The following TJP2 variants were observed in gnomAD, a reference collection of about 807,000 sequenced individuals.
TJP2 encodes the protein tight junction protein 2, also known as Friedreich ataxia region gene X104 (tight junction protein ZO-2).
TJP2 carries 91 observed loss-of-function variants against 133.1 expected under a neutral mutation model. The observed-to-expected ratio is 0.68, with a 90% CI of 0.58 to 0.81. The LOEUF (loss-of-function observed/expected upper bound fraction) is 0.81, where lower values mean the gene tolerates loss of function less well. Ranked by LOEUF, TJP2 falls within the 40% of genes least tolerant of loss-of-function variation. The pLI is 0.00. For missense variants in TJP2, 1,541 were observed against 1,565.6 expected (o/e 0.98, Z 0.26); for synonymous variants, 592 against 583.4 (o/e 1.01, Z -0.21).
At chr9:69,176,107 T>C (rs76198906) in intron 1 of TJP2, among the ~76,000 whole-genome samples, 10,018 of 152,226 alleles carry the variant, frequency 0.066, 444 homozygotes, top group East Asian at 0.22. Flanking sequence ...ATGCACACTC[T>C]GCAATACAGA....
intron 20 of TJP2, among the ~76,000 whole-genome samples, chr9:69,250,257 C>T (rs999153600): frequency 6.6e-6 from 1 of 152,104 alleles, no homozygotes. Context: ...GTGTGCACCA[C>T]TATATTCAGC....
upstream of TJP2, chr9:69,174,111 A>C: frequency 8.5e-7 from 1 of 1,181,844 alleles, no homozygotes. Context: ...CTTCCCCGGC[A>C]GGCGCGTGGG....
In TJP2 at chr9:69,221,224, A is replaced by G. The variant is rs775042072; in HGVS notation, c.680A>G (p.His227Arg). ...RGRSLERGLD[H>R]DFGPSRDRDR... ...CGGAGCCTGGAGCGGGGCCTGGACC[A>G]CGACTTTGGGCCATCCCGGGACCGG... Residue 227 changes from histidine to arginine, a missense_variant, in exon 5 of 23, where the codon CAC (histidine) becomes CGC (arginine). Physicochemically the swap from His to Arg is conservative, Grantham distance 29. Transcript: ENST00000377245. 1.2e-6 allele frequency: 2 copies of G among 1,605,796 alleles called. No individual in the cohort carries two copies. The highest frequency in any genetic ancestry group is 3.4e-5 in the Admixed American group (2 of 59,438).
chr9:69,159,887 A>G (rs985832473), intron 2 of TJP2, among the ~76,000 whole-genome samples: 6 of 53,442 alleles, frequency 1.1e-4, no homozygotes, highest in African/African-American at 3.9e-4. Flanking sequence ...AAAGAAAGAA[A>G]TATATACATA....
chr9:69,207,803 C>A (rs1032876355), intron 1 of TJP2, among the ~76,000 whole-genome samples: 1 of 152,208 alleles, frequency 6.6e-6, no homozygotes, highest in South Asian at 2.1e-4. Flanking sequence ...CAGCTCTCAG[C>A]TAAGCTGCTG....
chr9:69,228,106 A>AC lies in TJP2; in HGVS notation c.1451dup (p.Ala485SerfsTer15). On this transcript the variant is annotated frameshift_variant, in exon 9 of 23. Coordinates refer to ENST00000377245, the MANE Select transcript of TJP2 (RefSeq NM_004817.4). LOFTEE classifies it high-confidence loss of function. ...AACAAGGAACCCAGATACCAAGAGG[A>AC]CCCCCCAGGTGAGCCATTAAGACCA... is the stretch of plus-strand genomic sequence containing the variant. 6.2e-7 allele frequency: 1 copy of AC among 1,608,718 alleles called. No homozygotes were observed. The highest frequency in any genetic ancestry group is 8.5e-7 in the Non-Finnish European group (1 of 1,177,364).
intron 1 of TJP2, among the ~76,000 whole-genome samples, chr9:69,201,658 A>G (rs1447884889): frequency 1.3e-5 from 2 of 152,114 alleles, no homozygotes; most frequent in African/African-American, 4.8e-5. Context: ...TTACATACCC[A>G]TGTTCATGGC....
intron 16 of TJP2, among the ~76,000 whole-genome samples, chr9:69,239,675 G>C (rs961685712): frequency 2.6e-5 from 4 of 152,020 alleles, no homozygotes; most frequent in African/African-American, 9.7e-5. Flanking sequence ...GCTGGCCATG[G>C]TGGTGGCGGG....
Position 69,189,176 on chromosome 9 carries a change from A to G in TJP2, c.60+14744A>G, listed in dbSNP as rs139062922. ...AGATAGGGAATTTTGAAGCCAGAAC[A>G]TTCTGGTGATGGAGCAGATACTGCC... On this transcript the variant is annotated intron_variant, in intron 1 of 22. Transcript: ENST00000377245. Among the ~76,000 whole-genome samples, 1,425 of 152,330 alleles carry G rather than the reference A, an allele frequency of 9.4e-3. 29 individuals carry two copies. The highest frequency in any genetic ancestry group is 0.032 in the African/African-American group (1,312 of 41,570).
intron 15 of TJP2, 139 bp from the exon 16 acceptor site, chr9:69,238,571 T>C: frequency 1.4e-6 from 1 of 733,386 alleles, no homozygotes. Flanking sequence ...ACTAAGCAGG[T>C]TATGTGGGTC....
At chr9:69,174,569 C>A in intron 1 of TJP2, 137 bp downstream of exon 1, 3 of 1,097,856 alleles carry the variant, frequency 2.7e-6, no homozygotes, top group Admixed American at 2.1e-5. Context: ...CCCATCCGGA[C>A]GTGGGACGCA....
intron 1 of TJP2, among the ~76,000 whole-genome samples, chr9:69,194,081 C>T (rs1284701772): frequency 6.6e-6 from 1 of 152,106 alleles, no homozygotes; most frequent in African/African-American, 2.4e-5. Context: ...TTACTGACAG[C>T]TGGTTAAATC....
Position 69,125,283 on chromosome 9 carries a change from G to T in TJP2, c.-131+3558G>T. Reference sequence around the variant, plus strand: ...AAAGTCTTTATACTACAATCTGTGCGTTTAATAGCACCCTGAGTGATTTTT... The same window carrying T: ...AAAGTCTTTATACTACAATCTGTGCTTTTAATAGCACCCTGAGTGATTTTT... On this transcript the variant is annotated intron_variant, in intron 1 of 5. Coordinates refer to the TJP2 transcript ENST00000423935. Among the ~76,000 whole-genome samples the T allele has an allele frequency of 3.0e-5, 2 of 67,464 alleles. 1 individual carries two copies. The allele number at this position is 67,464 out of a possible 152,430, so 44.3% of individuals were successfully genotyped here.
intron 1 of TJP2, chr9:69,122,192 T>A (rs1178533107): frequency 6.6e-6 from 1 of 152,272 alleles, no homozygotes; most frequent in Non-Finnish European, 1.5e-5. Context: ...TGAGCTTCTC[T>A]TTTACCCGAT....
At chr9:69,220,764 GA>G (rs1291089321) in intron 4 of TJP2, 122 bp from the exon 5 acceptor site, 1 of 916,478 alleles carries the variant, frequency 1.1e-6, no homozygotes, top group African/African-American at 1.6e-5. Flanking sequence ...TGAGGAACCT[GA>G]ACCTTAGTGA....
chr9:69,138,950 G>A (rs919668378), intron 1 of TJP2, among the ~76,000 whole-genome samples: 3 of 137,412 alleles, frequency 2.2e-5, no homozygotes, highest in East Asian at 4.6e-4. Flanking sequence ...GCAGTGGCTC[G>A]GGCCTATAAT....
At chr9:69,186,289 G>A (rs991566505) in intron 1 of TJP2, among the ~76,000 whole-genome samples, 3 of 152,168 alleles carry the variant, frequency 2.0e-5, no homozygotes, top group Non-Finnish European at 4.4e-5. Context: ...TGGTCAAGAT[G>A]TATTGATTAA....
intron 11 of TJP2, 41 bp from the exon 12 acceptor site, chr9:69,234,391 TTTCTTTC>T (rs1453814470): frequency 1.5e-5 from 20 of 1,344,048 alleles, no homozygotes; most frequent in East Asian, 4.6e-5. Flanking sequence ...TCTTTCTTTC[TTTCTTTC>T]TTTTTTTTTT....
intron 2 of TJP2, among the ~76,000 whole-genome samples, chr9:69,164,130 G>GT: frequency 6.6e-6 from 1 of 152,172 alleles, no homozygotes; most frequent in Non-Finnish European, 1.5e-5. Flanking sequence ...TTCCAGGCCA[G>GT]TTTCCTTTGT....
Sources: allele counts gnomAD v4.1 joint callset (sites outside exome capture counted in the v4.1 genomes callset), GRCh38; gene constraint gnomAD v4.1.1; transcripts MANE v1.5; gene names NCBI Gene and HGNC (gene_info 2026-07-23, HGNC 2026-07-21).